The following MCTP1 variants were observed in gnomAD, a reference collection of about 807,000 sequenced individuals.
The protein encoded by MCTP1 is multiple C2 and transmembrane domain-containing protein 1.
In MCTP1, 69 loss-of-function variants were observed where a neutral mutation model predicts 120.6. That is an observed-to-expected ratio of 0.57 (90% CI 0.47 to 0.70). The LOEUF (loss-of-function observed/expected upper bound fraction) is 0.70. MCTP1 is among the 30% of genes least tolerant of loss of function. The pLI is 0.00. For missense variants in MCTP1, 1,203 were observed against 1,248.8 expected, an observed-to-expected ratio of 0.96 and a Z score of 0.55; for synonymous variants, 529 against 493.1, an observed-to-expected ratio of 1.07 and a Z score of -0.96.
intron 8 of MCTP1, among the ~76,000 whole-genome samples, chr5:94,915,266 T>C (rs1398082042): frequency 1.3e-5 from 2 of 152,210 alleles, no homozygotes; most frequent in Admixed American, 6.5e-5. Context: ...AAATGGTAGA[T>C]ATATGACTAG....
intron 6 of MCTP1, chr5:94,931,650 CTCA>C (rs1814720573): frequency 3.2e-6 from 1 of 316,138 alleles, no homozygotes. Context: ...CTCCCCTAGC[CTCA>C]TCATTTTATT....
chr5:94,848,614 C>T (rs1315220623), intron 17 of MCTP1, among the ~76,000 whole-genome samples: 1 of 151,880 alleles, frequency 6.6e-6, no homozygotes, highest in Non-Finnish European at 1.5e-5. Context: ...ACATAAGTTC[C>T]TTATGATGAT....
intron 17 of MCTP1, among the ~76,000 whole-genome samples, chr5:94,846,120 TG>T (rs57130119): frequency 1 from 152,310 of 152,310 alleles, 76,155 homozygotes; most frequent in Non-Finnish European, 1. Context: ...AAAACAGAAT[TG>T]GCTATTCGGC....
At position 94,704,007 on chromosome 5, in the gene MCTP1, T is replaced by A. The variant is rs965186326; in HGVS notation, c.*3489A>T. On this transcript the variant is annotated 3_prime_UTR_variant, in exon 23 of 23. Transcript: ENST00000515393. ...TCACCAAAAAAAAAAGAAAAAAAAA[T>A]GTTTTGTTTTCTTTCAGTGAGTTAC... 35 of 128,960 alleles carry A rather than the reference T, an allele frequency of 2.7e-4. No homozygotes were observed. The highest frequency in any genetic ancestry group is 3.6e-4 in the Non-Finnish European group (21 of 58,136). The allele number at this position is 128,960 out of a possible 1,614,324, so 8.0% of individuals were successfully genotyped here.
chr5:94,762,689 C>A (rs528446855), intron 19 of MCTP1, among the ~76,000 whole-genome samples: 2 of 152,304 alleles, frequency 1.3e-5, no homozygotes, highest in East Asian at 3.9e-4. Flanking sequence ...TAAAACATCT[C>A]TGGGAAGGAA....
At chr5:94,984,408 C>T (rs940487569) in intron 2 of MCTP1, among the ~76,000 whole-genome samples, 2 of 152,158 alleles carry the variant, frequency 1.3e-5, no homozygotes, top group African/African-American at 4.8e-5. Context: ...ACATGGTATA[C>T]GTTTAGGAAA....
Position 94,809,819 on chromosome 5 carries a change from C to T in MCTP1, c.2437-10687G>A, listed in dbSNP as rs114839255. Among the ~76,000 whole-genome samples, 763 of 152,172 alleles carry T rather than the reference C, an allele frequency of 5.0e-3. 7 individuals carry two copies. The highest frequency in any genetic ancestry group is 0.017 in the African/African-American group (710 of 41,530). ...AAAGAAACATTTAAGAATGAGTTAA[C>T]GCTGTTAAACTCACTGAAGCTTGCC... On this transcript the variant is annotated intron_variant, in intron 17 of 22. Transcript: ENST00000515393.
At chr5:94,952,522 T>C (rs1358320106) in intron 3 of MCTP1, among the ~76,000 whole-genome samples, 1 of 152,098 alleles carries the variant, frequency 6.6e-6, no homozygotes, top group Non-Finnish European at 1.5e-5. Context: ...GTGGGATGTG[T>C]GCTGTTGTGG....
chr5:95,134,281 G>A (rs894650110), intron 1 of MCTP1, among the ~76,000 whole-genome samples: 2 of 152,086 alleles, frequency 1.3e-5, no homozygotes, highest in Non-Finnish European at 2.9e-5. Context: ...TCCACTAAAA[G>A]CATTTGAATA....
At chr5:94,762,162 C>T (rs895238764) in intron 19 of MCTP1, among the ~76,000 whole-genome samples, 1 of 152,164 alleles carries the variant, frequency 6.6e-6, no homozygotes. Context: ...CCAAACATGG[C>T]GGGCTTTGGA....
intron 2 of MCTP1, among the ~76,000 whole-genome samples, chr5:94,965,740 A>G (rs981260947): frequency 5.9e-5 from 9 of 152,194 alleles, no homozygotes; most frequent in Admixed American, 6.5e-5. Context: ...CTAATCCTCA[A>G]TGTAACAGTA....
intron 7 of MCTP1, among the ~76,000 whole-genome samples, chr5:94,922,873 T>C (rs1812031270): frequency 6.6e-6 from 1 of 152,060 alleles, no homozygotes; most frequent in Admixed American, 6.6e-5. Flanking sequence ...TCCTGGACAA[T>C]GCATGAACAT....
chr5:94,925,351 T>G (rs1487101176), intron 6 of MCTP1, among the ~76,000 whole-genome samples: 1 of 152,106 alleles, frequency 6.6e-6, no homozygotes, highest in Non-Finnish European at 1.5e-5. Flanking sequence ...TTGTAGATAT[T>G]TAGTTACGCT....
At chr5:94,742,646 T>C (rs1580420127) in intron 19 of MCTP1, among the ~76,000 whole-genome samples, 1 of 152,202 alleles carries the variant, frequency 6.6e-6, no homozygotes, top group South Asian at 2.1e-4. Context: ...TTTCTTTTTT[T>C]TTTTAATTTG....
In MCTP1 at chr5:94,706,572, AAGC is replaced by A. The variant is rs1336400388; in HGVS notation, c.*921_*923del. On this transcript the variant is annotated 3_prime_UTR_variant, in exon 23 of 23. Coordinates refer to ENST00000515393, the MANE Select transcript of MCTP1 (RefSeq NM_024717.7). ...AAAGCATTTCAGTAATCTAATGAGA[AAGC>A]AGGTTTTTTTTTTCTCTGAGAGCAC... 1 of 116,478 alleles carries A rather than the reference AAGC, an allele frequency of 8.6e-6. No individual in the cohort carries two copies. Among genetic ancestry groups the A allele is most frequent in the East Asian group, 2.8e-4 (1 of 3,512 alleles). 7.2% of individuals were successfully genotyped at this position (116,478 alleles called of 1,614,324 possible).
intron 1 of MCTP1, among the ~76,000 whole-genome samples, chr5:95,058,681 T>C (rs946421406): frequency 4.2e-5 from 6 of 142,192 alleles, no homozygotes; most frequent in Non-Finnish European, 7.7e-5. Flanking sequence ...GATAAAGGTG[T>C]CCATGGAGGG....
chr5:95,212,349 T>G (rs573254403), intron 1 of MCTP1, among the ~76,000 whole-genome samples: 226 of 152,020 alleles, frequency 1.5e-3, no homozygotes, highest in Middle Eastern at 6.8e-3. Flanking sequence ...AATAACAGGA[T>G]CTGAAATTGT....
At chr5:94,883,661 G>T (rs903669394) in intron 12 of MCTP1, among the ~76,000 whole-genome samples, 3 of 152,108 alleles carry the variant, frequency 2.0e-5, no homozygotes, top group African/African-American at 7.2e-5. Flanking sequence ...AAGAATGATG[G>T]TAATATCTAA....
intron 2 of MCTP1, among the ~76,000 whole-genome samples, chr5:94,953,969 T>TA (rs1480544170): frequency 2.6e-5 from 2 of 75,886 alleles, no homozygotes; most frequent in Non-Finnish European, 5.1e-5. Flanking sequence ...TATACAAATA[T>TA]ATATATGCAT....
Sources: gnomAD v4.1 joint callset for allele counts (sites outside exome capture counted in the v4.1 genomes callset) on GRCh38, gnomAD v4.1.1 for gene constraint, MANE v1.5 for transcripts, NCBI Gene and HGNC (gene_info 2026-07-23, HGNC 2026-07-21) for gene names.